Variants in CSMD1 observed in about 807,000 individuals in gnomAD.
The protein encoded by CSMD1 is CUB and Sushi multiple domains 1, also known as CUB and sushi domain-containing protein 1.
Under a neutral mutation model 417.5 loss-of-function variants are expected in CSMD1, and 213 were observed. The observed-to-expected ratio is 0.51, with a 90% CI of 0.46 to 0.57. The LOEUF (loss-of-function observed/expected upper bound fraction) is 0.57. Among genes scored for constraint, CSMD1 ranks in the 20% least tolerant of loss-of-function variants. The pLI is 0.00. For synonymous variants in CSMD1, 2,862 were observed against 1,736.8 expected (o/e 1.65, Z -16.11); for missense variants, 6,923 against 4,529.7 (o/e 1.53, Z -15.17).
At chr8:4,846,773 C>A (rs1801171389) in intron 1 of CSMD1, among the ~76,000 whole-genome samples, 1 of 152,244 alleles carries the variant, frequency 6.6e-6, no homozygotes, top group South Asian at 2.1e-4. Context: ...TATCTTTTAA[C>A]TAAGTTAGAA....
intron 1 of CSMD1, among the ~76,000 whole-genome samples, chr8:4,659,376 T>C (rs1804441187): frequency 6.6e-6 from 1 of 152,122 alleles, no homozygotes; most frequent in African/African-American, 2.4e-5. Context: ...TTAGAGCAGA[T>C]ATATTTAAAA....
At chr8:4,808,889 T>C (rs958840369) in intron 1 of CSMD1, among the ~76,000 whole-genome samples, 2 of 152,244 alleles carry the variant, frequency 1.3e-5, no homozygotes, top group African/African-American at 2.4e-5. Flanking sequence ...ATATTCTTTT[T>C]CTATGTTTAC....
chr8:4,300,436 C>T (rs899507859), intron 3 of CSMD1, among the ~76,000 whole-genome samples: 3 of 152,194 alleles, frequency 2.0e-5, no homozygotes, highest in African/African-American at 4.8e-5. Flanking sequence ...GCATTCAGTC[C>T]ATCCCTAAAG....
intron 3 of CSMD1, among the ~76,000 whole-genome samples, chr8:4,416,660 C>T (rs932155094): frequency 2.1e-4 from 32 of 151,932 alleles, no homozygotes; most frequent in African/African-American, 7.2e-4. Flanking sequence ...GAGAGAGAGG[C>T]TCTTTGGGGA....
In CSMD1 at chr8:4,479,585, T is replaced by G. The variant is rs542006274; in HGVS notation, c.303-59520A>C. ...ACAAATAACATTTTTCTCTAAAATT[T>G]TAGTTGACTGCTTTAAAAATGACTT... is the stretch of plus-strand genomic sequence containing the variant. On this transcript the variant is annotated intron_variant, in intron 2 of 69. Transcript: ENST00000635120. Among the ~76,000 whole-genome samples, 3 of 152,238 alleles carry G rather than the reference T, an allele frequency of 2.0e-5. No individual in the cohort carries two copies. In the South Asian group the frequency reaches 6.2e-4, roughly 32 times the overall value.
Position 3,506,154 on chromosome 8 carries a change from G to T in CSMD1, c.1345-12428C>A, listed in dbSNP as rs1411395999. 1.3e-5 allele frequency among the ~76,000 whole-genome samples: 2 copies of T among 152,110 alleles called. 1 individual carries two copies. The highest frequency in any genetic ancestry group is 2.9e-5 in the Non-Finnish European group (2 of 68,018). The stretch of plus-strand genomic sequence containing the variant: ...CGGCGGCCAGCAGAGGAAGTGCCAG[G>T]GAGGCAGCTGAAACTCAAGGACTCT... On this transcript the variant is annotated intron_variant, in intron 10 of 69. Transcript: ENST00000635120.
chr8:4,152,261 TG>T (rs1410181304), intron 3 of CSMD1, among the ~76,000 whole-genome samples: 1 of 152,218 alleles, frequency 6.6e-6, no homozygotes, highest in Non-Finnish European at 1.5e-5. Context: ...TGCTCTATGA[TG>T]GTAATATAGA....
chr8:4,784,445 G>A (rs369135947), intron 1 of CSMD1, among the ~76,000 whole-genome samples: 4 of 152,156 alleles, frequency 2.6e-5, no homozygotes, highest in African/African-American at 9.7e-5. Context: ...TTTTGAACCC[G>A]TGATTAAAAT....
At chr8:4,454,316 C>T (rs1281956721) in intron 2 of CSMD1, among the ~76,000 whole-genome samples, 1 of 152,192 alleles carries the variant, frequency 6.6e-6, no homozygotes, top group East Asian at 1.9e-4. Flanking sequence ...TCTTCTTCCG[C>T]ATCCTTGTCA....
At chr8:3,085,829 TG>T (rs1319289147) in intron 49 of CSMD1, among the ~76,000 whole-genome samples, 1 of 152,230 alleles carries the variant, frequency 6.6e-6, no homozygotes. Flanking sequence ...TGGACTAGCA[TG>T]TGCCTGGCAT....
At position 4,079,528 on chromosome 8, in the gene CSMD1, C is replaced by G. The variant is rs1015163247; in HGVS notation, c.416-47429G>C. Among the ~76,000 whole-genome samples, 7 of 152,164 alleles carry G rather than the reference C, an allele frequency of 4.6e-5. 1 individual carries two copies. Among genetic ancestry groups the G allele is most frequent in the South Asian group, 4.1e-4 (2 of 4,824 alleles). On this transcript the variant is annotated intron_variant, in intron 3 of 69. Coordinates refer to ENST00000635120, the MANE Select transcript of CSMD1 (RefSeq NM_033225.6). Reference sequence around the variant, plus strand: ...TGAAACAATGAAGACAGCTGCACATCTGATGCCAAAACACTGAAGATATTT... The same window carrying G: ...TGAAACAATGAAGACAGCTGCACATGTGATGCCAAAACACTGAAGATATTT...
chr8:3,998,605 G>C (rs1815411712), intron 4 of CSMD1, among the ~76,000 whole-genome samples: 1 of 152,128 alleles, frequency 6.6e-6, no homozygotes, highest in Admixed American at 6.5e-5. Context: ...GATAGCTATT[G>C]AGTAACATAA....
chr8:3,321,865 G>C (rs1037364584), intron 23 of CSMD1, among the ~76,000 whole-genome samples: 1 of 152,152 alleles, frequency 6.6e-6, no homozygotes, highest in Non-Finnish European at 1.5e-5. Context: ...TACAAAATTT[G>C]GGAGGATTTA....
intron 25 of CSMD1, among the ~76,000 whole-genome samples, chr8:3,294,635 TCTC>T (rs932487153): frequency 5.9e-5 from 9 of 152,142 alleles, no homozygotes; most frequent in African/African-American, 2.2e-4. Context: ...CGGGATATAA[TCTC>T]CTGGTGTGCC....
chr8:3,148,180 A>G (rs577728658), intron 40 of CSMD1, among the ~76,000 whole-genome samples: 5 of 152,324 alleles, frequency 3.3e-5, no homozygotes, highest in East Asian at 1.9e-4. Flanking sequence ...GGGAGAAATC[A>G]TAATTACAAG....
chr8:4,304,412 C>G (rs28469175), intron 3 of CSMD1, among the ~76,000 whole-genome samples: 1 of 151,998 alleles, frequency 6.6e-6, no homozygotes, highest in Non-Finnish European at 1.5e-5. Flanking sequence ...CATCTAAGAG[C>G]GACAGAAGGT....
intron 3 of CSMD1, among the ~76,000 whole-genome samples, chr8:4,215,568 G>T (rs1487024882): frequency 3.3e-5 from 5 of 151,710 alleles, no homozygotes; most frequent in Non-Finnish European, 7.4e-5. Context: ...CATAGATCAG[G>T]CATTTTTTCC....
intron 5 of CSMD1, among the ~76,000 whole-genome samples, chr8:3,917,985 G>C (rs1356201243): frequency 5.9e-5 from 9 of 151,872 alleles, no homozygotes. Flanking sequence ...CATTTACCAC[G>C]ATGTCTTCCC....
chr8:3,507,833 G>C lies in CSMD1; in HGVS notation c.1345-14107C>G, dbSNP rs77139339. On this transcript the variant is annotated intron_variant, in intron 10 of 69. Coordinates refer to ENST00000635120, the MANE Select transcript of CSMD1 (RefSeq NM_033225.6). ...TGAGAAATATCTGTTCATATCCTTT[G>C]CCCACTTTTTGATGGGGTTGTTTGT... Among the ~76,000 whole-genome samples, 2 of 152,116 alleles carry C rather than the reference G, an allele frequency of 1.3e-5. 1 individual carries two copies. The highest frequency in any genetic ancestry group is 4.8e-5 in the African/African-American group (2 of 41,482).
Sources: gnomAD v4.1 joint callset for allele counts (sites outside exome capture counted in the v4.1 genomes callset) on GRCh38, gnomAD v4.1.1 for gene constraint, MANE v1.5 for transcripts, NCBI Gene and HGNC (gene_info 2026-07-23, HGNC 2026-07-21) for gene names.